NUDCD1: variants seen among roughly 807,000 people sequenced by gnomAD.
NUDCD1 encodes NudC domain containing 1, also known as nudC domain-containing protein 1.
A neutral mutation model predicts 67.8 loss-of-function variants in NUDCD1; 60 were observed. The observed-to-expected ratio is 0.88, with a 90% CI of 0.72 to 1.10. The LOEUF is 1.10. NUDCD1 is among the 50% of genes least tolerant of loss of function. The pLI is 0.00. For missense variants in NUDCD1, 643 were observed against 695.0 expected (o/e 0.93, Z 0.84); for synonymous variants, 244 against 230.8 (o/e 1.06, Z -0.52).
At chr8:109,275,807 T>C (rs1403016873) in intron 6 of NUDCD1, among the ~76,000 whole-genome samples, 1 of 152,100 alleles carries the variant, frequency 6.6e-6, no homozygotes, top group Non-Finnish European at 1.5e-5. Context: ...TTCCTGAACT[T>C]AATAGAAATA....
Position 109,312,219 on chromosome 8 carries a change from T to C in NUDCD1, c.273+10090A>G, listed in dbSNP as rs1010681183. 7.4e-5 allele frequency among the ~76,000 whole-genome samples: 11 copies of C among 149,324 alleles called. No individual in the cohort carries two copies. In the East Asian group the frequency reaches 2.2e-3, roughly 30 times the overall value. On this transcript the variant is annotated intron_variant, in intron 2 of 9. Transcript: ENST00000239690. ...CAGGAGGCTGAGGCAGGAGAATTGC[T>C]TGAACACGGAGGCAGAGTTTGCAGT...
At chr8:109,263,829 T>C (rs577737186) in intron 8 of NUDCD1, among the ~76,000 whole-genome samples, 2 of 152,204 alleles carry the variant, frequency 1.3e-5, no homozygotes, top group South Asian at 4.1e-4. Flanking sequence ...TTTGTATGGA[T>C]GGTACAAAAG....
chr8:109,275,574 T>A, intron 6 of NUDCD1, 78 bp from the exon 7 acceptor site: 2 of 1,342,822 alleles, frequency 1.5e-6, no homozygotes, highest in Non-Finnish European at 2.1e-6. Flanking sequence ...ACATTGTTTG[T>A]TTCTATCTTC....
At chr8:109,272,331 A>G (rs1814177816) in intron 7 of NUDCD1, among the ~76,000 whole-genome samples, 1 of 151,386 alleles carries the variant, frequency 6.6e-6, no homozygotes, top group Non-Finnish European at 1.5e-5. Flanking sequence ...ATAGTTGGTG[A>G]TAAGTCAAAT....
chr8:109,288,388 G>T (rs1586280721), intron 5 of NUDCD1, among the ~76,000 whole-genome samples: 1 of 152,268 alleles, frequency 6.6e-6, no homozygotes, highest in Middle Eastern at 3.4e-3. Flanking sequence ...ACATGATCTA[G>T]AGAAATAAAC....
chr8:109,300,415 T>G (rs1460112220), intron 2 of NUDCD1, among the ~76,000 whole-genome samples: 1 of 151,954 alleles, frequency 6.6e-6, no homozygotes, highest in Non-Finnish European at 1.5e-5. Context: ...CAATCAAAAC[T>G]TTAGGAAACA....
At position 109,289,817 on chromosome 8, in the gene NUDCD1, T is replaced by C; in HGVS notation, c.757A>G (p.Thr253Ala). 1 of 1,571,024 alleles carries C rather than the reference T, an allele frequency of 6.4e-7. No individual in the cohort carries two copies. Among genetic ancestry groups the C allele is most frequent in the Admixed American group, 1.8e-5 (1 of 55,604 alleles). Residue 253 changes from threonine (T) to alanine (A), a missense_variant, in exon 5 of 10, where the codon ACA becomes GCA. By Grantham distance (58) the Thr-to-Ala change is moderately conservative. Coordinates refer to ENST00000239690, the MANE Select transcript of NUDCD1 (RefSeq NM_032869.4). ...GLMIVSYKSL[T>A]FVQAGQDLEE... ...AGATCTTGACCAGCCTGAACAAATGTTAAAGACTTGTAGGATACAATCATT... is the reference window on the plus strand; with the variant it reads ...AGATCTTGACCAGCCTGAACAAATGCTAAAGACTTGTAGGATACAATCATT...
At chr8:109,243,433 G>GTA (rs1234638510) in intron 9 of NUDCD1, 132 bp from the exon 10 acceptor site, 1 of 627,768 alleles carries the variant, frequency 1.6e-6, no homozygotes, top group African/African-American at 1.8e-5. Context: ...ATACCATAAG[G>GTA]TATATAATTC....
intron 1 of NUDCD1, among the ~76,000 whole-genome samples, chr8:109,333,234 A>G (rs368507837): frequency 1.9e-4 from 29 of 152,200 alleles, no homozygotes; most frequent in East Asian, 1.3e-3. Context: ...GTGAATTTTA[A>G]AATGCAGATC....
intron 2 of NUDCD1, among the ~76,000 whole-genome samples, chr8:109,304,273 A>G (rs975576136): frequency 6.6e-6 from 1 of 152,016 alleles, no homozygotes; most frequent in African/African-American, 2.4e-5. Flanking sequence ...TAGCCCCCAC[A>G]TTATTCCTGA....
chr8:109,298,783 G>A (rs1348532823), intron 2 of NUDCD1: 1 of 152,214 alleles, frequency 6.6e-6, no homozygotes, highest in Non-Finnish European at 1.5e-5. Context: ...CTCCAACTCT[G>A]ATGGACAGAG....
At chr8:109,304,520 T>C (rs954875112) in intron 2 of NUDCD1, among the ~76,000 whole-genome samples, 5 of 152,192 alleles carry the variant, frequency 3.3e-5, no homozygotes, top group Admixed American at 2.0e-4. Flanking sequence ...GCTGAACTCA[T>C]TGCCTTAACT....
chr8:109,323,335 T>G (rs1183406856), intron 1 of NUDCD1, among the ~76,000 whole-genome samples: 1 of 152,158 alleles, frequency 6.6e-6, no homozygotes, highest in Non-Finnish European at 1.5e-5. Flanking sequence ...GAGTCCTGTC[T>G]GACTTATATT....
At chr8:109,265,592 A>G (rs1441372884) in intron 8 of NUDCD1, among the ~76,000 whole-genome samples, 1 of 152,190 alleles carries the variant, frequency 6.6e-6, no homozygotes, top group Admixed American at 6.5e-5. Context: ...TAAAAGTTAC[A>G]AATATTATTT....
At chr8:109,307,107 A>C (rs1815125186) in intron 2 of NUDCD1, among the ~76,000 whole-genome samples, 1 of 152,194 alleles carries the variant, frequency 6.6e-6, no homozygotes, top group African/African-American at 2.4e-5. Context: ...ATGGCCTGAA[A>C]CAACTGAAGA....
intron 8 of NUDCD1, among the ~76,000 whole-genome samples, chr8:109,266,045 T>C (rs1813984352): frequency 6.6e-6 from 1 of 151,694 alleles, no homozygotes; most frequent in African/African-American, 2.4e-5. Context: ...ATTTGATTAA[T>C]ACAGATCAGT....
At chr8:109,278,201 G>C (rs528117615) in intron 6 of NUDCD1, among the ~76,000 whole-genome samples, 95 of 152,130 alleles carry the variant, frequency 6.2e-4, no homozygotes, top group Non-Finnish European at 1.1e-3. Context: ...AAAATTAACT[G>C]CCTAACTCTA....
Position 109,281,211 on chromosome 8 carries a change from T to C in NUDCD1, c.824-39A>G, listed in dbSNP as rs774840724. The C allele has an allele frequency of 1.1e-5, 15 of 1,369,502 alleles. No individual in the cohort carries two copies. The African/African-American group carries it at 1.1e-4, about 10-fold the overall frequency. The allele number at this position is 1,369,502 out of a possible 1,614,324, so 84.8% of individuals were successfully genotyped here. The stretch of plus-strand genomic sequence containing the variant: ...AAAAATGCATCATGTAATAAAAAAT[T>C]AGAGAAAGCATACACACACACAAAA... On this transcript the variant is annotated intron_variant, in intron 5 of 9. Transcript: ENST00000239690.
chr8:109,286,135 C>A (rs1444130926), intron 5 of NUDCD1, among the ~76,000 whole-genome samples: 1 of 152,046 alleles, frequency 6.6e-6, no homozygotes, highest in Non-Finnish European at 1.5e-5. Flanking sequence ...AATTACACAG[C>A]ACTGCTGAAA....
Sources: gnomAD v4.1 joint callset for allele counts (sites outside exome capture counted in the v4.1 genomes callset) on GRCh38, gnomAD v4.1.1 for gene constraint, MANE v1.5 for transcripts, NCBI Gene and HGNC (gene_info 2026-07-23, HGNC 2026-07-21) for gene names.